Variants in CCNL2 observed in about 807,000 individuals in gnomAD.
CCNL2 encodes the protein cyclin-L2.
A neutral mutation model predicts 59.1 loss-of-function variants in CCNL2; 28 were observed. The ratio of observed to expected loss-of-function variants is 0.47; its 90% confidence interval spans 0.35 to 0.65. The LOEUF (loss-of-function observed/expected upper bound fraction) is 0.65, where lower values mean the gene tolerates loss of function less well. Among genes scored for constraint, CCNL2 ranks in the 30% least tolerant of loss-of-function variants. The probability of loss-of-function intolerance (pLI) is 0.00; values close to 1 mark genes in which losing one functional copy is unlikely to be tolerated. For missense variants in CCNL2, 714 were observed against 717.4 expected (o/e 1.00, Z 0.05); for synonymous variants, 342 against 288.6 (o/e 1.19, Z -1.88).
chr1:1,391,091 G>GAAA, intron 5 of CCNL2: 5 of 910,608 alleles, frequency 5.5e-6, no homozygotes, highest in Non-Finnish European at 5.7e-6. Flanking sequence ...GAAATTATTA[G>GAAA]AAAAAAAAAA....
At chr1:1,390,617 A>G in intron 6 of CCNL2, 54 bp from the exon 7 acceptor site, 1 of 1,530,180 alleles carries the variant, frequency 6.5e-7, no homozygotes, top group South Asian at 1.1e-5. Context: ...ACGGCCAGCA[A>G]GACTCAGGAC....
chr1:1,390,265 T>A lies in CCNL2; in HGVS notation c.971A>T (p.Asp324Val), dbSNP rs768628698. The change falls in exon 8 of 11, where the codon GAT becomes GTT. Residue 324 changes from aspartate (D) to valine (V), a missense_variant. Physicochemically the swap from Asp to Val is radical, Grantham distance 152. Coordinates refer to ENST00000400809, the MANE Select transcript of CCNL2 (RefSeq NM_030937.6). Reference sequence around the variant, plus strand: ...GGCAGGAGAGAACCCCGAGGTACCATCCAGCACCTGTGTGCCCCCAGGCAA... The same window carrying A: ...GGCAGGAGAGAACCCCGAGGTACCAACCAGCACCTGTGTGCCCCCAGGCAA... ...GLLPGGTQVLDGTSGFSPAPK... is the reference protein window; with the variant it reads ...GLLPGGTQVLVGTSGFSPAPK... 3 of 1,613,660 alleles carry A rather than the reference T, an allele frequency of 1.9e-6. No homozygotes were observed. Among genetic ancestry groups the A allele is most frequent in the Non-Finnish European group, 2.5e-6 (3 of 1,179,688 alleles).
intron 5 of CCNL2, chr1:1,391,732 T>G: frequency 5.0e-6 from 2 of 396,846 alleles, no homozygotes; most frequent in South Asian, 4.7e-5. Context: ...TTTTAAAAGT[T>G]AAAGCATTTA....
intron 4 of CCNL2, among the ~76,000 whole-genome samples, chr1:1,394,727 A>G (rs1014978057): frequency 4.2e-5 from 6 of 141,934 alleles, no homozygotes; most frequent in African/African-American, 1.3e-4. Context: ...TCCAGCCTGC[A>G]TGACAGAGTA....
Position 1,399,211 on chromosome 1 carries a change from C to G in CCNL2, c.96G>C (p.Ser32=). The G allele has an allele frequency of 6.2e-7, 1 of 1,605,516 alleles. No homozygotes were observed. ...APGSGGAPSG[S]QGVLIGDRLY... is the part of the protein sequence containing the mutation. Reference sequence around the variant, plus strand: ...GCCTGTCCCCGATCAGCACCCCCTGCGACCCTGAGGGTGCGCCCCCAGATC... The same window carrying G: ...GCCTGTCCCCGATCAGCACCCCCTGGGACCCTGAGGGTGCGCCCCCAGATC... The change falls in exon 1 of 11, where the codon TCG becomes TCC. Residue 32 remains serine, a synonymous_variant. Coordinates refer to ENST00000400809, the MANE Select transcript of CCNL2 (RefSeq NM_030937.6).
At chr1:1,397,515 C>T (rs112985954) in intron 3 of CCNL2, among the ~76,000 whole-genome samples, 2 of 152,092 alleles carry the variant, frequency 1.3e-5, no homozygotes, top group African/African-American at 4.8e-5. Flanking sequence ...TCCAGTGAGT[C>T]GAGACCAGGG....
chr1:1,395,528 A>C lies in CCNL2; in HGVS notation c.474-14T>G, dbSNP rs780042739. On this transcript the variant is annotated splice_polypyrimidine_tract_variant and intron_variant, in intron 3 of 10. Coordinates refer to ENST00000400809, the MANE Select transcript of CCNL2 (RefSeq NM_030937.6). ...GGCACGGGCTTCCTGCCAGAGAGAGAGCACAGGGTCTGCACCACAGTCAAG... is the reference window on the plus strand; with the variant it reads ...GGCACGGGCTTCCTGCCAGAGAGAGCGCACAGGGTCTGCACCACAGTCAAG... 2 of 1,613,896 alleles carry C rather than the reference A, an allele frequency of 1.2e-6. No homozygotes were observed. The highest frequency in any genetic ancestry group is 2.2e-5 in the East Asian group (1 of 44,870).
intron 4 of CCNL2, 61 bp downstream of exon 4, chr1:1,395,333 G>T: frequency 6.3e-7 from 1 of 1,592,162 alleles, no homozygotes; most frequent in Non-Finnish European, 8.6e-7. Context: ...GAGGTGGAGA[G>T]AGGCGGCCAG....
Position 1,390,480 on chromosome 1 carries a change from C to A in CCNL2, c.843G>T (p.Leu281Phe). The A allele has an allele frequency of 1.9e-6, 3 of 1,613,700 alleles. No individual in the cohort carries two copies. The highest frequency in any genetic ancestry group is 2.5e-6 in the Non-Finnish European group (3 of 1,179,850). Reference protein sequence around the residue: ...EEIQEICLKILQLYARKKVDL... With the variant: ...EEIQEICLKIFQLYARKKVDL... Reference sequence around the variant, plus strand: ...GAACCTTTTTCCGAGCATAAAGCTGCAAGATCTTTAAGCAGATTTCCTGAA... The same window carrying A: ...GAACCTTTTTCCGAGCATAAAGCTGAAAGATCTTTAAGCAGATTTCCTGAA... The change falls in exon 7 of 11, where the codon TTG becomes TTT. Residue 281 changes from leucine (L) to phenylalanine (F), a missense_variant. By Grantham distance (22) the Leu-to-Phe change is conservative. This residue lies in a region of CCNL2 where 403 missense variants were observed against 377.7 expected (regional missense o/e 1.07). Transcript: ENST00000400809.
Position 1,386,581 on chromosome 1 carries a change from C to T in CCNL2, c.*650G>A, listed in dbSNP as rs1425310888. The T allele has an allele frequency of 1.3e-5, 2 of 152,666 alleles. No homozygotes were observed. The highest frequency in any genetic ancestry group is 2.9e-5 in the Non-Finnish European group (2 of 68,076). The allele number at this position is 152,666 out of a possible 1,614,324, so 9.5% of individuals were successfully genotyped here. ...TTAGGAGCTGGTGGCCTGCACTCAG[C>T]ACCGCACAGATAAAAATATACGACT... On this transcript the variant is annotated 3_prime_UTR_variant, in exon 11 of 11. Coordinates refer to ENST00000400809, the MANE Select transcript of CCNL2 (RefSeq NM_030937.6).
At chr1:1,396,547 T>C (rs1195827011) in intron 3 of CCNL2, among the ~76,000 whole-genome samples, 2 of 144,544 alleles carry the variant, frequency 1.4e-5, no homozygotes, top group East Asian at 4.3e-4. Flanking sequence ...ACTATAGGCG[T>C]GAGCCACTGC....
At chr1:1,393,554 G>T in intron 4 of CCNL2, 94 bp from the exon 5 acceptor site, 2 of 1,118,866 alleles carry the variant, frequency 1.8e-6, no homozygotes, top group Non-Finnish European at 2.7e-6. Flanking sequence ...AGAGCCTCAA[G>T]CTAGATCCCA....
Position 1,398,273 on chromosome 1 carries a change from T to C in CCNL2, c.433A>G (p.Ile145Val). The C allele has an allele frequency of 1.2e-6, 2 of 1,614,238 alleles. No homozygotes were observed. Among genetic ancestry groups the C allele is most frequent in the Non-Finnish European group, 8.5e-7 (1 of 1,180,048 alleles). The change falls in exon 3 of 11, where the codon ATC becomes GTC. Residue 145 changes from isoleucine (I) to valine (V), a missense_variant. This residue lies in a region of CCNL2 where 270 missense variants were observed against 254.9 expected (regional missense o/e 1.06). Transcript: ENST00000400809. The stretch of plus-strand genomic sequence containing the variant: ...TGTCGAAGGCGGTGAAACACATTGA[T>C]GACGTCCCGTATGCGTCTTGGGGCC... ...EEAPRRIRDVINVFHRLRQLR... is the reference protein window; with the variant it reads ...EEAPRRIRDVVNVFHRLRQLR...
At chr1:1,392,362 C>G (rs187897476) in intron 5 of CCNL2, 284 of 1,041,568 alleles carry the variant, frequency 2.7e-4, no homozygotes, top group Non-Finnish European at 3.2e-4. Flanking sequence ...TAAAGATGCA[C>G]ACCTTTTACC....
At position 1,387,561 on chromosome 1, in the gene CCNL2, T is replaced by C. The variant is rs1644522012; in HGVS notation, c.1233A>G (p.Thr411=). Residue 411 remains threonine (T), a synonymous_variant, in exon 11 of 11, where the codon ACA becomes ACG. Transcript: ENST00000400809. ...GGCTCTGCGACTTGGACCCACCAGA[T>C]GTGGAGCCGCTGTCACTTTTCCTGG... ...PKRRKSDSGS[T]SGGSKSQSRS... 3 of 1,505,268 alleles carry C rather than the reference T, an allele frequency of 2.0e-6. No homozygotes were observed. In the South Asian group the frequency reaches 4.0e-5, roughly 20 times the overall value. 93.2% of individuals were successfully genotyped at this position (1,505,268 alleles called of 1,614,324 possible). A position where few individuals can be genotyped will look rare whatever the true frequency, so the allele number is the denominator to read the frequency against.
rs190049110 is a variant in CCNL2 at position 1,398,217 on chromosome 1, G to A, written c.473+16C>T. 3.1e-6 allele frequency: 5 copies of A among 1,612,538 alleles called. No homozygotes were observed. Among genetic ancestry groups the A allele is most frequent in the African/African-American group, 1.3e-5 (1 of 74,910 alleles). On this transcript the variant is annotated intron_variant, in intron 3 of 10. Transcript: ENST00000400809. Reference sequence around the variant, plus strand: ...ATAGGCATCTATGATAGACTAGACAGCTCTGACTGACTCACTTTTTGTCTC... The same window carrying A: ...ATAGGCATCTATGATAGACTAGACAACTCTGACTGACTCACTTTTTGTCTC...
At chr1:1,387,623 G>A (rs1188355281) in intron 10 of CCNL2, 41 bp from the exon 11 acceptor site, 42 of 1,441,730 alleles carry the variant, frequency 2.9e-5, no homozygotes, top group Non-Finnish European at 3.9e-5. Flanking sequence ...TGACCATCTG[G>A]CCCGGCCAGG....
chr1:1,392,528 A>G, intron 5 of CCNL2: 1 of 1,341,360 alleles, frequency 7.5e-7, no homozygotes, highest in Admixed American at 3.5e-5. Context: ...TTTATCATAC[A>G]GGTACAGCAG....
In CCNL2 at chr1:1,390,785, A is replaced by G; in HGVS notation, c.740T>C (p.Leu247Pro). 1 of 1,614,164 alleles carries G rather than the reference A, an allele frequency of 6.2e-7. No individual in the cohort carries two copies. Among genetic ancestry groups the G allele is most frequent in the Non-Finnish European group, 8.5e-7 (1 of 1,180,014 alleles). The change falls in exon 6 of 11, where the codon CTT becomes CCT. Residue 247 changes from leucine to proline, a missense_variant. This residue lies in a region of CCNL2 where 403 missense variants were observed against 377.7 expected (regional missense o/e 1.07). Coordinates refer to ENST00000400809, the MANE Select transcript of CCNL2 (RefSeq NM_030937.6). ...PESIACACIY[L>P]AARTLEIPLP... ...ACTGACCTCCAGCGTCCGGGCAGCAAGATAAATGCAGGCACAGGCGATGCT... is the reference window on the plus strand; with the variant it reads ...ACTGACCTCCAGCGTCCGGGCAGCAGGATAAATGCAGGCACAGGCGATGCT...
Sources: allele counts gnomAD v4.1 joint callset (sites outside exome capture counted in the v4.1 genomes callset), GRCh38; gene constraint gnomAD v4.1.1; regional missense constraint gnomAD v4.1.1; transcripts MANE v1.5; gene names NCBI Gene and HGNC (gene_info 2026-07-23, HGNC 2026-07-21).